The following ZNF148 variants were observed in gnomAD, a reference collection of about 807,000 sequenced individuals.
The protein encoded by ZNF148 is Beta-Enolase Repressor Factor-1.
A neutral mutation model predicts 67.7 loss-of-function variants in ZNF148; 7 were observed. That is an observed-to-expected ratio of 0.10 (90% CI 0.06 to 0.19). The LOEUF (loss-of-function observed/expected upper bound fraction) is 0.19, where lower values mean the gene tolerates loss of function less well. Ranked by LOEUF, ZNF148 falls within the 10% of genes least tolerant of loss-of-function variation. The pLI is 1.00. For missense variants in ZNF148, 583 were observed against 947.1 expected (o/e 0.62, Z 5.05); for synonymous variants, 333 against 330.7 (o/e 1.01, Z -0.08).
At chr3:125,260,302 T>TA (rs138694167) in intron 7 of ZNF148, among the ~76,000 whole-genome samples, 10,539 of 148,092 alleles carry the variant, frequency 0.071, 481 homozygotes, top group Non-Finnish European at 0.1. Flanking sequence ...AACCTTCAAT[T>TA]AAAAAAAAAA....
intron 7 of ZNF148, among the ~76,000 whole-genome samples, chr3:125,253,730 A>C (rs1936948646): frequency 1.3e-5 from 2 of 152,186 alleles, no homozygotes; most frequent in South Asian, 4.1e-4. Flanking sequence ...ATTTGCTGAT[A>C]TGTGAATATT....
rs1935628857 is a variant in ZNF148, at chr3:125,226,282, T to C, written c.*6059A>G. 6.6e-6 allele frequency: 1 copy of C among 152,586 alleles called. No homozygotes were observed. Among genetic ancestry groups the C allele is most frequent in the Admixed American group, 6.5e-5 (1 of 15,280 alleles). 9.5% of individuals were successfully genotyped at this position (152,586 alleles called of 1,614,324 possible). A position where few individuals can be genotyped will look rare whatever the true frequency, so the allele number is the denominator to read the frequency against. On this transcript the variant is annotated 3_prime_UTR_variant, in exon 9 of 9. Coordinates refer to ENST00000360647, the MANE Select transcript of ZNF148 (RefSeq NM_021964.3). ...AGAAATTCTTTTCTCTTTACGGTTA[T>C]ATCTATGCACCATGATTTTTGCATA...
chr3:125,266,422 C>T (rs1353327812), intron 7 of ZNF148, among the ~76,000 whole-genome samples: 2 of 152,010 alleles, frequency 1.3e-5, no homozygotes, highest in African/African-American at 4.8e-5. Flanking sequence ...CAAGAAGAAC[C>T]CTCAAAACCA....
At chr3:125,252,291 A>G (rs1481142745) in intron 7 of ZNF148, among the ~76,000 whole-genome samples, 1 of 150,288 alleles carries the variant, frequency 6.7e-6, no homozygotes, top group African/African-American at 2.4e-5. Flanking sequence ...TATCCTGTTT[A>G]GGATTTTCCC....
At chr3:125,371,623 C>A (rs1325348745) in intron 1 of ZNF148, among the ~76,000 whole-genome samples, 2 of 143,100 alleles carry the variant, frequency 1.4e-5, no homozygotes, top group Non-Finnish European at 3.0e-5. Context: ...CGTGCCACTG[C>A]ACTTCAGCCT....
intron 4 of ZNF148, among the ~76,000 whole-genome samples, chr3:125,301,781 C>T (rs1022535138): frequency 2.0e-5 from 3 of 152,072 alleles, no homozygotes; most frequent in Admixed American, 6.6e-5. Flanking sequence ...AATGTACATT[C>T]GGCCAGGCGC....
intron 7 of ZNF148, among the ~76,000 whole-genome samples, chr3:125,255,969 T>C (rs1232161726): frequency 2.0e-5 from 3 of 152,122 alleles, no homozygotes; most frequent in African/African-American, 7.2e-5. Context: ...TTAATAGACA[T>C]GGCTTGATAT....
At chr3:125,317,643 T>TTC (rs1553708220) in intron 3 of ZNF148, among the ~76,000 whole-genome samples, 1 of 100,968 alleles carries the variant, frequency 9.9e-6, no homozygotes, top group East Asian at 2.4e-4. Context: ...GTAAGATCTT[T>TTC]TATATATATA....
At chr3:125,333,155 C>T (rs1210069405) in intron 1 of ZNF148, among the ~76,000 whole-genome samples, 1 of 152,020 alleles carries the variant, frequency 6.6e-6, no homozygotes, top group Non-Finnish European at 1.5e-5. Flanking sequence ...CTTAACATTC[C>T]GTTGAAAACA....
chr3:125,349,330 G>C (rs1050085499), intron 1 of ZNF148, among the ~76,000 whole-genome samples: 1 of 152,168 alleles, frequency 6.6e-6, no homozygotes, highest in Non-Finnish European at 1.5e-5. Flanking sequence ...CTACACATCT[G>C]CTAAGGGGCT....
chr3:125,339,382 T>C (rs1196932926), intron 1 of ZNF148, among the ~76,000 whole-genome samples: 3 of 152,214 alleles, frequency 2.0e-5, no homozygotes, highest in Non-Finnish European at 4.4e-5. Flanking sequence ...CAGTAACGTA[T>C]TACGGGAATA....
Position 125,368,467 on chromosome 3 carries a change from A to G in ZNF148, c.-234+6635T>C, listed in dbSNP as rs374654958. Among the ~76,000 whole-genome samples the G allele has an allele frequency of 1.6e-3, 239 of 152,342 alleles. 1 individual carries two copies. The highest frequency in any genetic ancestry group is 5.5e-3 in the African/African-American group (228 of 41,576). Reference sequence around the variant, plus strand: ...TTGGGAGTGTTTTCAAAATCAGCTAATAAGTCAACCAAGAAAATTATTCCC... The same window carrying G: ...TTGGGAGTGTTTTCAAAATCAGCTAGTAAGTCAACCAAGAAAATTATTCCC... On this transcript the variant is annotated intron_variant, in intron 1 of 8. Transcript: ENST00000360647.
intron 1 of ZNF148, among the ~76,000 whole-genome samples, chr3:125,337,415 AG>A (rs1941544274): frequency 6.6e-6 from 1 of 152,238 alleles, no homozygotes; most frequent in African/African-American, 2.4e-5. Flanking sequence ...TGCACTAACA[AG>A]CAACTATGTA....
At chr3:125,238,631 G>GA (rs900803653) in intron 7 of ZNF148, among the ~76,000 whole-genome samples, 3 of 151,690 alleles carry the variant, frequency 2.0e-5, no homozygotes, top group African/African-American at 4.8e-5. Flanking sequence ...CTGTCTAAAG[G>GA]AAAAAAAACG....
chr3:125,258,282 G>A (rs55809729), intron 7 of ZNF148, among the ~76,000 whole-genome samples: 14,140 of 151,752 alleles, frequency 0.093, 842 homozygotes, highest in Middle Eastern at 0.14. Flanking sequence ...AAAATTAGCC[G>A]GGCATGGTGG....
chr3:125,322,124 G>A (rs912030170), intron 3 of ZNF148, among the ~76,000 whole-genome samples: 3 of 140,378 alleles, frequency 2.1e-5, no homozygotes, highest in African/African-American at 8.2e-5. Flanking sequence ...ATGCCTCCCA[G>A]GTTCCCGCCA....
At chr3:125,252,160 T>C (rs1214837257) in intron 7 of ZNF148, among the ~76,000 whole-genome samples, 1 of 152,180 alleles carries the variant, frequency 6.6e-6, no homozygotes, top group Non-Finnish European at 1.5e-5. Context: ...TTTGTAGAAA[T>C]TCTGTACATA....
At chr3:125,359,927 T>G (rs1942484768) in intron 1 of ZNF148, among the ~76,000 whole-genome samples, 2 of 152,202 alleles carry the variant, frequency 1.3e-5, no homozygotes, top group African/African-American at 4.8e-5. Flanking sequence ...AGCTGCTAAG[T>G]GCACCGCCAG....
chr3:125,290,586 T>C (rs907982901), intron 4 of ZNF148, among the ~76,000 whole-genome samples: 2 of 152,174 alleles, frequency 1.3e-5, no homozygotes, highest in East Asian at 1.9e-4. Flanking sequence ...ATAGCTGTCA[T>C]TCATTTTCTC....
Sources: allele counts gnomAD v4.1 joint callset (sites outside exome capture counted in the v4.1 genomes callset), GRCh38; gene constraint gnomAD v4.1.1; transcripts MANE v1.5; gene names NCBI Gene and HGNC (gene_info 2026-07-23, HGNC 2026-07-21).